PLD5: variants seen among roughly 807,000 people sequenced by gnomAD.
PLD5 encodes inactive phospholipase D5.
In PLD5, 36 loss-of-function variants were observed where a neutral mutation model predicts 61.1. That is an observed-to-expected ratio of 0.59 (90% confidence interval 0.45 to 0.78). PLD5 has a LOEUF of 0.78. Ranked by LOEUF, PLD5 falls within the 30% of genes least tolerant of loss-of-function variation. The pLI is 0.00. For synonymous variants in PLD5, 243 were observed against 242.8 expected (o/e 1.00, Z -0.01); for missense variants, 515 against 644.4 (o/e 0.80, Z 2.17).
At chr1:242,111,207 C>A (rs139506025) in intron 7 of PLD5, among the ~76,000 whole-genome samples, 1 of 152,024 alleles carries the variant, frequency 6.6e-6, no homozygotes, top group African/African-American at 2.4e-5. Context: ...TAGGTGTCTG[C>A]CACCATGCCC....
In PLD5 at chr1:242,263,616, T is replaced by C. The variant is rs533202674; in HGVS notation, c.607+1721A>G. Among the ~76,000 whole-genome samples the C allele has an allele frequency of 3.0e-4, 46 of 152,218 alleles. 1 individual carries two copies. In the South Asian group the frequency reaches 9.6e-3, roughly 32 times the overall value. The stretch of plus-strand genomic sequence containing the variant: ...CTATGAGAAATTAGGGTCCTGTTCA[T>C]TGCTTTACTCCTATGAAGGAAAATC... On this transcript the variant is annotated intron_variant, in intron 4 of 9. Transcript: ENST00000536534.
At chr1:242,242,544 G>A (rs383373) in intron 4 of PLD5, among the ~76,000 whole-genome samples, 108,101 of 152,108 alleles carry the variant, frequency 0.71, 39,783 homozygotes, top group Non-Finnish European at 0.81. Context: ...AAAATCACAC[G>A]CATGGGGCAC....
chr1:242,229,516 A>G (rs1671162099), intron 4 of PLD5, among the ~76,000 whole-genome samples: 1 of 152,156 alleles, frequency 6.6e-6, no homozygotes, highest in Non-Finnish European at 1.5e-5. Flanking sequence ...ATCCTGTTGA[A>G]ATTGAGTTGG....
chr1:242,343,483 G>C (rs958340434), intron 2 of PLD5, among the ~76,000 whole-genome samples: 1 of 151,812 alleles, frequency 6.6e-6, no homozygotes, highest in Non-Finnish European at 1.5e-5. Flanking sequence ...GAATTTTCTA[G>C]AGAAACATTT....
intron 1 of PLD5, among the ~76,000 whole-genome samples, chr1:242,392,779 G>A (rs560509276): frequency 2.0e-4 from 30 of 152,264 alleles, no homozygotes; most frequent in African/African-American, 6.7e-4. Flanking sequence ...CACCTTGGGA[G>A]TTTTGGTAAT....
intron 8 of PLD5, among the ~76,000 whole-genome samples, chr1:242,103,087 T>C (rs918730071): frequency 3.3e-5 from 5 of 152,156 alleles, no homozygotes; most frequent in African/African-American, 1.2e-4. Context: ...GAGGAGAATT[T>C]GGAAAAGGAG....
rs1659523985 is a variant in PLD5 at position 242,087,351 on chromosome 1, A to G, written c.*2503T>C. ...AAATGGCAATGATGGTCATTCCGTA[A>G]TGGATGACATTCTCTTCTCGTAGCA... On this transcript the variant is annotated 3_prime_UTR_variant, in exon 10 of 10. Coordinates refer to ENST00000536534, the MANE Select transcript of PLD5 (RefSeq NM_001372062.1). 1 of 152,158 alleles carries G rather than the reference A, an allele frequency of 6.6e-6. No homozygotes were observed. The highest frequency in any genetic ancestry group is 6.5e-5 in the Admixed American group (1 of 15,272). The allele number at this position is 152,158 out of a possible 1,614,324, so 9.4% of individuals were successfully genotyped here.
At chr1:242,175,849 A>G (rs1191631826) in intron 5 of PLD5, among the ~76,000 whole-genome samples, 2 of 152,216 alleles carry the variant, frequency 1.3e-5, no homozygotes, top group Non-Finnish European at 2.9e-5. Context: ...CCCATTTGCA[A>G]TTGCTACTAA....
At chr1:242,401,675 C>T (rs528345098) in intron 1 of PLD5, among the ~76,000 whole-genome samples, 1 of 152,330 alleles carries the variant, frequency 6.6e-6, no homozygotes, top group Admixed American at 6.5e-5. Flanking sequence ...TCACACTTCA[C>T]TGTTCTGATC....
Position 242,251,000 on chromosome 1 carries a change from CG to C in PLD5, c.607+14336del, listed in dbSNP as rs549163627. On this transcript the variant is annotated intron_variant, in intron 4 of 9. Coordinates refer to ENST00000536534, the MANE Select transcript of PLD5 (RefSeq NM_001372062.1). ...TCAAGGTTAGCTCTAGGTTTCTTTG[CG>C]GGGCAAATAAAAAAATAGTCAGGTC... Among the ~76,000 whole-genome samples the C allele has an allele frequency of 3.6e-4, 54 of 152,068 alleles. 1 individual carries two copies. The South Asian group carries it at 0.011, about 31-fold the overall frequency.
chr1:242,177,056 C>T (rs1667197348), intron 5 of PLD5, among the ~76,000 whole-genome samples: 1 of 152,186 alleles, frequency 6.6e-6, no homozygotes, highest in South Asian at 2.1e-4. Context: ...ACCATTTAAC[C>T]CAACAATCCC....
intron 2 of PLD5, among the ~76,000 whole-genome samples, chr1:242,295,757 A>G (rs1185425380): frequency 2.0e-5 from 3 of 152,208 alleles, no homozygotes; most frequent in Non-Finnish European, 2.9e-5. Flanking sequence ...CATTCCCACC[A>G]ACAGCGTGTA....
intron 1 of PLD5, among the ~76,000 whole-genome samples, chr1:242,394,294 A>G (rs200323747): frequency 3.6e-5 from 3 of 84,150 alleles, no homozygotes; most frequent in African/African-American, 5.6e-5. Flanking sequence ...ATATATGAGT[A>G]TATATATGAG....
chr1:242,158,298 C>G (rs541773417), intron 5 of PLD5, among the ~76,000 whole-genome samples: 1 of 152,068 alleles, frequency 6.6e-6, no homozygotes, highest in South Asian at 2.1e-4. Flanking sequence ...TGGCTTCAGC[C>G]TCCTTTCCAG....
chr1:242,427,640 T>C (rs910850182), intron 1 of PLD5, among the ~76,000 whole-genome samples: 1 of 152,202 alleles, frequency 6.6e-6, no homozygotes, highest in African/African-American at 2.4e-5. Context: ...GAAAGCTAAT[T>C]GCTTTCCTTT....
intron 5 of PLD5, among the ~76,000 whole-genome samples, chr1:242,182,187 C>G (rs1251151879): frequency 6.6e-6 from 1 of 152,122 alleles, no homozygotes; most frequent in African/African-American, 2.4e-5. Flanking sequence ...ATCTGGAAGC[C>G]CTGCAGCTCT....
At chr1:242,410,840 T>C (rs138985288) in intron 1 of PLD5, among the ~76,000 whole-genome samples, 2 of 152,162 alleles carry the variant, frequency 1.3e-5, no homozygotes, top group Admixed American at 6.5e-5. Context: ...GATCCTGCAG[T>C]GTAGGTCTTA....
rs535715225 is a variant in PLD5, at chr1:242,346,021, C to G, written c.326+2085G>C. On this transcript the variant is annotated intron_variant, in intron 2 of 9. Transcript: ENST00000536534. ...ATGTTTCAGAAAAGATCTCCCCCCC[C>G]CCCATATATACAACCATATATCATA... 3.3e-4 allele frequency among the ~76,000 whole-genome samples: 30 copies of G among 89,708 alleles called. No homozygotes were observed. The South Asian group carries it at 5.2e-3, about 16-fold the overall frequency. The allele number at this position is 89,708 out of a possible 152,430, so 58.9% of individuals were successfully genotyped here.
chr1:242,370,608 C>A (rs116517089), intron 1 of PLD5, among the ~76,000 whole-genome samples: 1 of 152,212 alleles, frequency 6.6e-6, no homozygotes, highest in Admixed American at 6.5e-5. Flanking sequence ...CCATGCACAC[C>A]TCATTCCTGC....
Sources: allele counts gnomAD v4.1 joint callset (sites outside exome capture counted in the v4.1 genomes callset), GRCh38; gene constraint gnomAD v4.1.1; transcripts MANE v1.5; gene names NCBI Gene and HGNC (gene_info 2026-07-23, HGNC 2026-07-21).